The following GGT7 variants were observed in gnomAD, a reference collection of about 807,000 sequenced individuals.
GGT7 encodes the protein glutathione hydrolase 7.
A neutral mutation model predicts 69.2 loss-of-function variants in GGT7; 30 were observed. The ratio of observed to expected loss-of-function variants is 0.43; its 90% CI spans 0.32 to 0.59. GGT7 has a LOEUF of 0.59. Among genes scored for constraint, GGT7 ranks in the 20% least tolerant of loss-of-function variants. The pLI is 0.05. For synonymous variants in GGT7, 388 were observed against 391.8 expected (o/e 0.99, Z 0.12); for missense variants, 733 against 901.1 (o/e 0.81, Z 2.39).
chr20:34,867,754 G>A (rs1023612733), intron 1 of GGT7, among the ~76,000 whole-genome samples: 1 of 152,132 alleles, frequency 6.6e-6, no homozygotes, highest in East Asian at 1.9e-4. Flanking sequence ...TAAGTGGCAG[G>A]ACCAAGAGTC....
At chr20:34,859,864 A>G (rs1437269776) in intron 6 of GGT7, 105 bp downstream of exon 6, 3 of 894,600 alleles carry the variant, frequency 3.4e-6, no homozygotes, top group Non-Finnish European at 5.4e-6. Flanking sequence ...GGGTCTGAGG[A>G]GCAAACTGGA....
intron 10 of GGT7, among the ~76,000 whole-genome samples, chr20:34,853,327 T>C (rs2079429188): frequency 6.7e-6 from 1 of 149,368 alleles, no homozygotes; most frequent in Non-Finnish European, 1.5e-5. Context: ...ACTGGTTGAA[T>C]AGATTTCATA....
chr20:34,854,493 G>T, intron 10 of GGT7, 38 bp downstream of exon 10: 8 of 1,265,924 alleles, frequency 6.3e-6, no homozygotes, highest in South Asian at 1.2e-5. Context: ...CACACCCACC[G>T]CTGCCTCTGT....
rs2079382764 is a variant in GGT7 at position 34,851,110 on chromosome 20, A to G, written c.1725+121T>C. The G allele has an allele frequency of 2.3e-5, 29 of 1,280,540 alleles. 1 individual carries two copies. Among genetic ancestry groups the G allele is most frequent in the Non-Finnish European group, 3.0e-5 (27 of 895,688 alleles). 79.3% of individuals were successfully genotyped at this position (1,280,540 alleles called of 1,614,324 possible). On this transcript the variant is annotated intron_variant, in intron 13 of 14. Transcript: ENST00000336431. ...GCCCAGGATGCGCCTGGCACAAAACAGCCTCAGCCCATGTTTGCCGCATGA... is the reference window on the plus strand; with the variant it reads ...GCCCAGGATGCGCCTGGCACAAAACGGCCTCAGCCCATGTTTGCCGCATGA...
At position 34,856,895 on chromosome 20, in the gene GGT7, T is replaced by C; in HGVS notation, c.1015-2A>G. ...TATGACACCCCCTGCGTGCTGAGCCTGGAGGGAAGAGAATGAGGGAATGAC... is the reference window on the plus strand; with the variant it reads ...TATGACACCCCCTGCGTGCTGAGCCCGGAGGGAAGAGAATGAGGGAATGAC... On this transcript the variant is annotated splice_acceptor_variant, in intron 7 of 14. Coordinates refer to ENST00000336431, the MANE Select transcript of GGT7 (RefSeq NM_178026.3). LOFTEE classifies it high-confidence loss of function. 6.3e-7 allele frequency: 1 copy of C among 1,594,566 alleles called. No homozygotes were observed. Among genetic ancestry groups the C allele is most frequent in the Non-Finnish European group, 8.6e-7 (1 of 1,162,718 alleles).
chr20:34,845,136 CCA>C lies in GGT7; in HGVS notation c.*190_*191del. 1.0e-5 allele frequency: 5 copies of C among 477,398 alleles called. No individual in the cohort carries two copies. Among genetic ancestry groups the C allele is most frequent in the Non-Finnish European group, 7.7e-6 (2 of 261,012 alleles). 29.6% of individuals were successfully genotyped at this position (477,398 alleles called of 1,614,324 possible). ...CTCACCACCACCACCACCACCACCA[CCA>C]CCACCACCACCACCACAGGCCTCCT... On this transcript the variant is annotated 3_prime_UTR_variant, in exon 15 of 15. Transcript: ENST00000336431.
intron 10 of GGT7, 22 bp downstream of exon 10, chr20:34,854,509 C>A (rs753278274): frequency 6.7e-7 from 1 of 1,488,576 alleles, no homozygotes; most frequent in Non-Finnish European, 9.4e-7. Flanking sequence ...TCTGTAGCCC[C>A]CAGGTCCTGC....
At chr20:34,855,789 CTGTGTG>C (rs3138662) in intron 8 of GGT7, among the ~76,000 whole-genome samples, 19 of 144,056 alleles carry the variant, frequency 1.3e-4, no homozygotes, top group African/African-American at 1.0e-4. Flanking sequence ...TTTTTCTTTT[CTGTGTG>C]TGTGTGTGTG....
intron 14 of GGT7, among the ~76,000 whole-genome samples, chr20:34,847,485 G>A (rs1174647303): frequency 6.6e-6 from 1 of 152,116 alleles, no homozygotes; most frequent in East Asian, 1.9e-4. Context: ...GAAGACTTTT[G>A]GTAGCTCTTG....
intron 9 of GGT7, 63 bp downstream of exon 9, chr20:34,854,733 G>A: frequency 6.2e-7 from 1 of 1,605,450 alleles, no homozygotes. Context: ...CCCTATGGCA[G>A]TACCCAATCT....
chr20:34,854,570 T>C lies in GGT7; in HGVS notation c.1280A>G (p.Tyr427Cys). 1 of 1,613,292 alleles carries C rather than the reference T, an allele frequency of 6.2e-7. No homozygotes were observed. Among genetic ancestry groups the C allele is most frequent in the Non-Finnish European group, 8.5e-7 (1 of 1,179,282 alleles). Reference sequence around the variant, plus strand: ...CATGCTCTCAGTGATGGTAGAATCATAGACGGGATCTCCCAGTCTGCTGGC... The same window carrying C: ...CATGCTCTCAGTGATGGTAGAATCACAGACGGGATCTCCCAGTCTGCTGGC... ...ALASRLGDPV[Y>C]DSTITESMDD... Residue 427 changes from tyrosine (Y) to cysteine (C), a missense_variant, in exon 10 of 15, where the codon TAT becomes TGT. Tyr to Cys is a radical substitution (Grantham distance 194, BLOSUM62 -2). Transcript: ENST00000336431.
chr20:34,870,013 G>A (rs1461236609), intron 1 of GGT7, among the ~76,000 whole-genome samples: 2 of 152,156 alleles, frequency 1.3e-5, no homozygotes, highest in East Asian at 3.8e-4. Flanking sequence ...TTAGGGAATG[G>A]CAGGCTAGAG....
chr20:34,857,317 C>A (rs2079510129), intron 7 of GGT7, among the ~76,000 whole-genome samples: 1 of 152,174 alleles, frequency 6.6e-6, no homozygotes, highest in South Asian at 2.1e-4. Context: ...AGGTTTTCTA[C>A]TTATGGCACA....
chr20:34,859,238 C>A (rs1226939253), intron 7 of GGT7, among the ~76,000 whole-genome samples: 1 of 151,988 alleles, frequency 6.6e-6, no homozygotes, highest in East Asian at 1.9e-4. Context: ...CCAGTCAGCT[C>A]CTCCCAGCCC....
intron 14 of GGT7, among the ~76,000 whole-genome samples, chr20:34,845,936 T>C (rs747922474): frequency 2.0e-5 from 3 of 151,958 alleles, no homozygotes; most frequent in Admixed American, 6.5e-5. Flanking sequence ...GGTACATGCC[T>C]GTAGTCCCAG....
chr20:34,860,064 GGGT>G, intron 5 of GGT7, 22 bp from the exon 6 acceptor site: 2 of 1,331,716 alleles, frequency 1.5e-6, no homozygotes, highest in Non-Finnish European at 2.1e-6. Flanking sequence ...GGAGAGCAGG[GGGT>G]GGAGGAGGTC....
chr20:34,870,020 A>G (rs1013965224), intron 1 of GGT7, among the ~76,000 whole-genome samples: 1 of 152,156 alleles, frequency 6.6e-6, no homozygotes, highest in Admixed American at 6.5e-5. Context: ...ATGGCAGGCT[A>G]GAGGCTAGCT....
chr20:34,845,726 T>C (rs1430107659), intron 14 of GGT7, among the ~76,000 whole-genome samples: 1 of 152,120 alleles, frequency 6.6e-6, no homozygotes. Flanking sequence ...GAACCTTGCA[T>C]ACAGTAAGTG....
intron 14 of GGT7, among the ~76,000 whole-genome samples, chr20:34,847,814 G>T (rs1225643269): frequency 6.6e-6 from 1 of 152,176 alleles, no homozygotes; most frequent in East Asian, 1.9e-4. Flanking sequence ...ATTTAGGGCC[G>T]GGCATGGTGG....
Sources: gnomAD v4.1 joint callset for allele counts (sites outside exome capture counted in the v4.1 genomes callset) on GRCh38, gnomAD v4.1.1 for gene constraint, MANE v1.5 for transcripts, NCBI Gene and HGNC (gene_info 2026-07-23, HGNC 2026-07-21) for gene names.